The following GRM1 variants were observed in gnomAD, a reference collection of about 807,000 sequenced individuals.
GRM1 encodes the protein metabotropic glutamate receptor 1.
GRM1 carries 33 observed loss-of-function variants against 90.9 expected under a neutral mutation model. That is an observed-to-expected ratio of 0.36 (90% CI 0.28 to 0.49). The LOEUF is 0.49. GRM1 is among the 20% of genes least tolerant of loss of function. The pLI, the probability that GRM1 is intolerant of heterozygous loss-of-function variation, is 0.99. For missense variants in GRM1, 1,190 were observed against 1,534.3 expected (o/e 0.78, Z 3.75); for synonymous variants, 700 against 613.2 (o/e 1.14, Z -2.09).
intron 1 of GRM1, among the ~76,000 whole-genome samples, chr6:146,134,968 G>A (rs1776562377): frequency 6.6e-6 from 1 of 151,978 alleles, no homozygotes; most frequent in Non-Finnish European, 1.5e-5. Flanking sequence ...AACAGCATGG[G>A]GGGACCACCC....
intron 2 of GRM1, among the ~76,000 whole-genome samples, chr6:146,255,876 A>G (rs972847542): frequency 2.0e-5 from 3 of 152,130 alleles, no homozygotes; most frequent in Non-Finnish European, 4.4e-5. Flanking sequence ...CTAATCAAGC[A>G]TTCACTCTTC....
At chr6:146,035,527 A>G (rs1371443202) in intron 1 of GRM1, among the ~76,000 whole-genome samples, 2 of 152,014 alleles carry the variant, frequency 1.3e-5, no homozygotes, top group East Asian at 3.9e-4. Flanking sequence ...GTCTCTTTAA[A>G]CACCAACATT....
chr6:146,421,187 G>A (rs1008537740), intron 7 of GRM1, among the ~76,000 whole-genome samples: 2 of 151,842 alleles, frequency 1.3e-5, no homozygotes, highest in Non-Finnish European at 2.9e-5. Flanking sequence ...TAAATATCAT[G>A]GGAAAAAAAT....
intron 1 of GRM1, among the ~76,000 whole-genome samples, chr6:146,055,457 A>G (rs1775451625): frequency 6.6e-6 from 1 of 152,114 alleles, no homozygotes; most frequent in Non-Finnish European, 1.5e-5. Flanking sequence ...GAGAAATTTC[A>G]TCCAAAATCA....
At chr6:146,176,244 C>T (rs1778333944) in intron 2 of GRM1, among the ~76,000 whole-genome samples, 1 of 151,870 alleles carries the variant, frequency 6.6e-6, no homozygotes, top group African/African-American at 2.4e-5. Context: ...CAGCAAGGAT[C>T]CTTTAACTGG....
rs998700738 is a variant in GRM1, at chr6:146,436,347, G to C, written c.*1551G>C. On this transcript the variant is annotated 3_prime_UTR_variant, in exon 8 of 8. Coordinates refer to ENST00000282753, the MANE Select transcript of GRM1 (RefSeq NM_001278064.2). ...TTTGAAAATTTGTTATATTAAAAGT[G>C]CACAAAAACTGAGAGTGAAAATAAA... 6.6e-5 allele frequency: 10 copies of C among 152,068 alleles called. No individual in the cohort carries two copies. The highest frequency in any genetic ancestry group is 1.5e-4 in the Non-Finnish European group (10 of 68,004). 9.4% of individuals were successfully genotyped at this position (152,068 alleles called of 1,614,324 possible).
Position 146,434,477 on chromosome 6 carries a change from T to A in GRM1, c.3266T>A (p.Leu1089Gln). 1 of 1,613,960 alleles carries A rather than the reference T, an allele frequency of 6.2e-7. No homozygotes were observed. The highest frequency in any genetic ancestry group is 8.5e-7 in the Non-Finnish European group (1 of 1,179,994). The stretch of plus-strand genomic sequence containing the variant: ...CAGCTGAGCACCTTTGGGGAGGAGC[T>A]GGTCTCCCCGCCCGCGGACGACGAC... ...PLQLSTFGEE[L>Q]VSPPADDDDD... The change falls in exon 8 of 8, where the codon CTG becomes CAG. Residue 1089 changes from leucine to glutamine, a missense_variant. By Grantham distance (113) the Leu-to-Gln change is moderately radical. Transcript: ENST00000282753.
chr6:146,348,593 G>A (rs754172995), intron 3 of GRM1, among the ~76,000 whole-genome samples: 15 of 152,244 alleles, frequency 9.9e-5, no homozygotes, highest in Non-Finnish European at 1.8e-4. Flanking sequence ...ATTTTGGAAA[G>A]AGGTGTGAGC....
chr6:146,413,518 A>T (rs750597862), intron 7 of GRM1, among the ~76,000 whole-genome samples: 1 of 152,126 alleles, frequency 6.6e-6, no homozygotes, highest in Admixed American at 6.5e-5. Flanking sequence ...ATATTAAATC[A>T]TCTTTTACAC....
chr6:146,289,451 GAGTC>G (rs1287288727), intron 2 of GRM1, among the ~76,000 whole-genome samples: 9 of 152,156 alleles, frequency 5.9e-5, no homozygotes, highest in Non-Finnish European at 1.3e-4. Context: ...TATTATGAAA[GAGTC>G]AGACAATTTT....
chr6:146,275,618 TCTTA>T (rs1782328381), intron 2 of GRM1, among the ~76,000 whole-genome samples: 1 of 152,164 alleles, frequency 6.6e-6, no homozygotes, highest in Admixed American at 6.6e-5. Flanking sequence ...TAGCTCTAGC[TCTTA>T]CTTAGAATCC....
intron 7 of GRM1, among the ~76,000 whole-genome samples, chr6:146,405,694 G>GT (rs920794992): frequency 1.2e-4 from 17 of 145,324 alleles, no homozygotes; most frequent in Non-Finnish European, 1.0e-4. Context: ...GCTCTGTTGT[G>GT]TTTTTTTGTT....
intron 2 of GRM1, among the ~76,000 whole-genome samples, chr6:146,177,748 C>T (rs1211502438): frequency 1.3e-5 from 2 of 152,042 alleles, no homozygotes; most frequent in African/African-American, 4.8e-5. Flanking sequence ...TTGAAAAATG[C>T]ATTTTAAAAT....
chr6:146,393,268 A>G (rs961661563), intron 6 of GRM1, among the ~76,000 whole-genome samples: 1 of 151,970 alleles, frequency 6.6e-6, no homozygotes, highest in African/African-American at 2.4e-5. Context: ...TTTGATTTGC[A>G]TTTCTCTAAT....
intron 2 of GRM1, among the ~76,000 whole-genome samples, chr6:146,281,820 A>C (rs979470174): frequency 3.9e-5 from 6 of 152,194 alleles, no homozygotes; most frequent in African/African-American, 1.4e-4. Context: ...CCATCTTGGC[A>C]CACATCACCA....
intron 3 of GRM1, among the ~76,000 whole-genome samples, chr6:146,341,290 C>T (rs1176703165): frequency 6.6e-6 from 1 of 152,116 alleles, no homozygotes; most frequent in Non-Finnish European, 1.5e-5. Flanking sequence ...TGTCTCCCTC[C>T]CTCTCTCTAG....
chr6:146,352,157 C>A, intron 3 of GRM1, 93 bp from the exon 4 acceptor site: 2 of 1,334,262 alleles, frequency 1.5e-6, no homozygotes, highest in Non-Finnish European at 2.1e-6. Flanking sequence ...CATTCCCTTC[C>A]TCTGAGAACC....
chr6:146,431,860 T>TA lies in GRM1; in HGVS notation c.2661-2004dup, dbSNP rs564439788. On this transcript the variant is annotated intron_variant, in intron 7 of 7. Transcript: ENST00000282753. ...TTCTAGAAGAGGCATATTGAATGCA[T>TA]AAAAAAAACAAAGTGTGTATAGTGG... Among the ~76,000 whole-genome samples the TA allele has an allele frequency of 1.6e-3, 249 of 151,970 alleles. 1 individual carries two copies. The highest frequency in any genetic ancestry group is 1.7e-3 in the African/African-American group (70 of 41,454).
At chr6:146,251,180 A>C (rs1781257624) in intron 2 of GRM1, among the ~76,000 whole-genome samples, 1 of 152,202 alleles carries the variant, frequency 6.6e-6, no homozygotes, top group Admixed American at 6.5e-5. Context: ...AATTGCCTAC[A>C]TTAAAACCAT....
Sources: gnomAD v4.1 joint callset for allele counts (sites outside exome capture counted in the v4.1 genomes callset) on GRCh38, gnomAD v4.1.1 for gene constraint, MANE v1.5 for transcripts, NCBI Gene and HGNC (gene_info 2026-07-23, HGNC 2026-07-21) for gene names.